KCNJ12: variants seen among roughly 807,000 people sequenced by gnomAD.
The protein encoded by KCNJ12 is ATP-sensitive inward rectifier potassium channel 12.
In KCNJ12, 2 loss-of-function variants were observed where a neutral mutation model predicts 22.3. The observed-to-expected ratio is 0.09, with a 90% confidence interval of 0.04 to 0.28. The LOEUF is 0.28. Ranked by LOEUF, KCNJ12 falls within the 10% of genes least tolerant of loss-of-function variation. The pLI is 1.00. For synonymous variants in KCNJ12, 117 were observed against 261.4 expected (o/e 0.45, Z 5.33); for missense variants, 155 against 633.3 (o/e 0.24, Z 8.11).
intron 1 of KCNJ12, among the ~76,000 whole-genome samples, chr17:21,379,511 A>G (rs1162978652): frequency 6.6e-6 from 1 of 152,054 alleles, no homozygotes; most frequent in Non-Finnish European, 1.5e-5. Flanking sequence ...ACACATGGGT[A>G]CACCTGCCCC....
At chr17:21,402,256 C>T (rs1238422757) in intron 1 of KCNJ12, among the ~76,000 whole-genome samples, 2 of 152,308 alleles carry the variant, frequency 1.3e-5, no homozygotes, top group Non-Finnish European at 2.9e-5. Context: ...CACTAGCTCT[C>T]CAGATGTCAC....
At position 21,417,944 on chromosome 17, in the gene KCNJ12, C is replaced by CCCTCCTG. The variant is rs1906940950; in HGVS notation, c.*1303_*1309dup. The CCCTCCTG allele has an allele frequency of 6.0e-6, 1 of 167,296 alleles. No individual in the cohort carries two copies. Among genetic ancestry groups the CCCTCCTG allele is most frequent in the East Asian group, 1.9e-4 (1 of 5,194 alleles). The allele number at this position is 167,296 out of a possible 1,614,324, so 10.4% of individuals were successfully genotyped here. On this transcript the variant is annotated 3_prime_UTR_variant, in exon 3 of 3. Transcript: ENST00000583088. ...TTAGGAAAGGAGAGGAATCGCCACCCCCTCCTGCCAACTGGGATGACTGGG... is the reference window on the plus strand; with the variant it reads ...TTAGGAAAGGAGAGGAATCGCCACCCCCTCCTGCCTCCTGCCAACTGGGATGACTGGG...
At chr17:21,399,140 C>A (rs1436589407) in intron 1 of KCNJ12, among the ~76,000 whole-genome samples, 1 of 152,156 alleles carries the variant, frequency 6.6e-6, no homozygotes, top group Non-Finnish European at 1.5e-5. Flanking sequence ...ATCTTCAGAC[C>A]CCATGGAGCG....
chr17:21,391,810 C>T (rs1197817211), intron 1 of KCNJ12, among the ~76,000 whole-genome samples: 3 of 152,220 alleles, frequency 2.0e-5, no homozygotes, highest in African/African-American at 4.8e-5. Context: ...TGTGGTCCCC[C>T]CACCCCAGTC....
At chr17:21,385,232 G>A (rs1905035286) in intron 1 of KCNJ12, among the ~76,000 whole-genome samples, 1 of 152,240 alleles carries the variant, frequency 6.6e-6, no homozygotes, top group African/African-American at 2.4e-5. Context: ...GATTGGGAGA[G>A]TGACTAGTCT....
At chr17:21,409,418 G>C (rs868915102) in intron 2 of KCNJ12, among the ~76,000 whole-genome samples, 1 of 152,264 alleles carries the variant, frequency 6.6e-6, no homozygotes, top group Non-Finnish European at 1.5e-5. Context: ...GGAGACAAAG[G>C]TTCCAGCGCA....
chr17:21,395,163 A>G (rs1305887708), intron 1 of KCNJ12, among the ~76,000 whole-genome samples: 3 of 152,030 alleles, frequency 2.0e-5, no homozygotes, highest in Non-Finnish European at 4.4e-5. Flanking sequence ...GGTTTGCTGG[A>G]GCATGCCTGT....
rs1352234552 is a variant in KCNJ12 at position 21,418,138 on chromosome 17, C to G, written c.*1494C>G. Reference sequence around the variant, plus strand: ...TGTTGTCACTGCTGGCTCTGCCACCCCATCTTGTTCATGGCAGCTGGTTGG... The same window carrying G: ...TGTTGTCACTGCTGGCTCTGCCACCGCATCTTGTTCATGGCAGCTGGTTGG... On this transcript the variant is annotated 3_prime_UTR_variant, in exon 3 of 3. Coordinates refer to ENST00000583088, the MANE Select transcript of KCNJ12 (RefSeq NM_021012.5). The G allele has an allele frequency of 6.0e-6, 1 of 167,082 alleles. No individual in the cohort carries two copies. The highest frequency in any genetic ancestry group is 6.5e-5 in the Admixed American group (1 of 15,284). The allele number at this position is 167,082 out of a possible 1,614,324, so 10.3% of individuals were successfully genotyped here.
At chr17:21,378,809 T>G (rs1555557583) in intron 1 of KCNJ12, among the ~76,000 whole-genome samples, 2 of 152,012 alleles carry the variant, frequency 1.3e-5, no homozygotes, top group Non-Finnish European at 2.9e-5. Context: ...GGACCTGAGC[T>G]GTCAGTCCAT....
chr17:21,402,039 C>T (rs1209192330), intron 1 of KCNJ12, among the ~76,000 whole-genome samples: 1 of 152,264 alleles, frequency 6.6e-6, no homozygotes, highest in Non-Finnish European at 1.5e-5. Flanking sequence ...CCCATCTGCC[C>T]AGCGTGCTGC....
chr17:21,410,699 C>T (rs1433828963), intron 2 of KCNJ12, among the ~76,000 whole-genome samples: 71 of 152,400 alleles, frequency 4.7e-4, no homozygotes, highest in East Asian at 2.9e-3. Context: ...TGCAGTGCCA[C>T]GCACACAGTC....
chr17:21,393,538 C>T (rs1331808963), intron 1 of KCNJ12, among the ~76,000 whole-genome samples: 7 of 152,190 alleles, frequency 4.6e-5, no homozygotes, highest in Non-Finnish European at 1.0e-4. Flanking sequence ...CTGTAATGCC[C>T]CTCTGGGAGC....
At chr17:21,387,313 G>A (rs1263680075) in intron 1 of KCNJ12, among the ~76,000 whole-genome samples, 9 of 135,936 alleles carry the variant, frequency 6.6e-5, no homozygotes, top group Non-Finnish European at 1.1e-4. Context: ...GTGGTGGCAG[G>A]CGCCTGTAGT....
At chr17:21,384,149 A>G (rs781825234) in intron 1 of KCNJ12, among the ~76,000 whole-genome samples, 17 of 152,022 alleles carry the variant, frequency 1.1e-4, no homozygotes, top group Non-Finnish European at 2.2e-4. Flanking sequence ...TTAAATTCGT[A>G]TGGGACCATT....
Position 21,416,461 on chromosome 17 carries a change from C to T in KCNJ12, c.1119C>T (p.Asn373=), listed in dbSNP as rs781811023. 6.2e-7 allele frequency: 1 copy of T among 1,614,130 alleles called. No individual in the cohort carries two copies. Among genetic ancestry groups the T allele is most frequent in the East Asian group, 2.2e-5 (1 of 44,896 alleles). ...VENKFLLPSA[N]SFCYENELAF... Reference sequence around the variant, plus strand: ...ACAAGTTCCTGCTGCCCAGCGCCAACTCCTTCTGCTACGAGAACGAGCTGG... The same window carrying T: ...ACAAGTTCCTGCTGCCCAGCGCCAATTCCTTCTGCTACGAGAACGAGCTGG... The change falls in exon 3 of 3, where the codon AAC becomes AAT. Residue 373 remains asparagine (N), a synonymous_variant. Coordinates refer to ENST00000583088, the MANE Select transcript of KCNJ12 (RefSeq NM_021012.5).
rs1444471825 is a variant in KCNJ12 at position 21,406,832 on chromosome 17, A to G, written c.-178-1687A>G. Among the ~76,000 whole-genome samples the G allele has an allele frequency of 3.3e-5, 5 of 152,298 alleles. No individual in the cohort carries two copies. In the East Asian group the frequency reaches 9.6e-4, roughly 29 times the overall value. On this transcript the variant is annotated intron_variant, in intron 1 of 2. Coordinates refer to ENST00000583088, the MANE Select transcript of KCNJ12 (RefSeq NM_021012.5). Reference sequence around the variant, plus strand: ...AACCTTGGAAAGGGCAGGCCCCATGAACTCCCTGGCTGGGAGGTGCGGAGG... The same window carrying G: ...AACCTTGGAAAGGGCAGGCCCCATGGACTCCCTGGCTGGGAGGTGCGGAGG...
chr17:21,377,279 C>T (rs916010059), intron 1 of KCNJ12, among the ~76,000 whole-genome samples: 1 of 151,990 alleles, frequency 6.6e-6, no homozygotes, highest in Non-Finnish European at 1.5e-5. Context: ...CACTCTGGCG[C>T]GCGGCACGGG....
chr17:21,380,852 A>G (rs1295892169), intron 1 of KCNJ12, among the ~76,000 whole-genome samples: 3 of 80,334 alleles, frequency 3.7e-5, no homozygotes, highest in Admixed American at 3.3e-4. Flanking sequence ...CCCAGATGGC[A>G]GTGGGCCCCA....
At position 21,416,665 on chromosome 17, in the gene KCNJ12, A is replaced by G. The variant is rs34762677; in HGVS notation, c.*21A>G. ...TCTGAGCCAACCTTGGCCGACATGC[A>G]GCATCCACCCCCGGCTGGGGAGAGG... On this transcript the variant is annotated 3_prime_UTR_variant, in exon 3 of 3. Transcript: ENST00000583088. The G allele has an allele frequency of 0.06, 75,906 of 1,267,744 alleles. No homozygotes were observed. The highest frequency in any genetic ancestry group is 0.24 in the East Asian group (7,375 of 30,970). 78.5% of individuals were successfully genotyped at this position (1,267,744 alleles called of 1,614,324 possible).
Sources: gnomAD v4.1 joint callset for allele counts (sites outside exome capture counted in the v4.1 genomes callset) on GRCh38, gnomAD v4.1.1 for gene constraint, MANE v1.5 for transcripts, NCBI Gene and HGNC (gene_info 2026-07-23, HGNC 2026-07-21) for gene names.